The following SPATC1 variants were observed in gnomAD, a reference collection of about 807,000 sequenced individuals.
The protein encoded by SPATC1 is spermatogenesis and centriole associated 1.
SPATC1 carries 35 observed loss-of-function variants against 36.5 expected under a neutral mutation model. The ratio of observed to expected loss-of-function variants is 0.96; its 90% CI spans 0.73 to 1.27. The LOEUF is 1.27. Among genes scored for constraint, SPATC1 ranks in the 50% most tolerant of loss-of-function variants. The pLI, the probability that SPATC1 is intolerant of heterozygous loss-of-function variation, is 0.00. For synonymous variants in SPATC1, 361 were observed against 353.6 expected (o/e 1.02, Z -0.24); for missense variants, 779 against 796.0 (o/e 0.98, Z 0.26).
At chr8:144,043,938 C>T (rs1448797932) in intron 4 of SPATC1, among the ~76,000 whole-genome samples, 1 of 152,176 alleles carries the variant, frequency 6.6e-6, no homozygotes, top group Non-Finnish European at 1.5e-5. Flanking sequence ...CACGTGTGCA[C>T]TCCTCCACAT....
rs1554756046 is a variant in SPATC1 at position 144,041,342 on chromosome 8, G to A, written c.1417G>A (p.Val473Ile). 6.2e-7 allele frequency: 1 copy of A among 1,611,652 alleles called. No homozygotes were observed. ...PERVRLYGFT[V>I]SNIPEKIIQA... Reference sequence around the variant, plus strand: ...GCGCGTACGGCTCTACGGCTTCACTGTCTCCAACATCCCAGAGAAGATCAT... The same window carrying A: ...GCGCGTACGGCTCTACGGCTTCACTATCTCCAACATCCCAGAGAAGATCAT... The change falls in exon 4 of 5, where the codon GTC becomes ATC. Residue 473 changes from valine (V) to isoleucine (I), a missense_variant. Transcript: ENST00000377470.
At chr8:144,021,010 C>A (rs1272536810) in intron 1 of SPATC1, among the ~76,000 whole-genome samples, 2 of 141,850 alleles carry the variant, frequency 1.4e-5, no homozygotes, top group African/African-American at 5.3e-5. Context: ...CCCTGACAAC[C>A]TCCTTCCCTG....
At chr8:144,011,226 G>A (rs2133087336), upstream of SPATC1, among the ~76,000 whole-genome samples, 1 of 152,224 alleles carries the variant, frequency 6.6e-6, no homozygotes, top group Non-Finnish European at 1.5e-5. The surrounding 1 kb of genome is among the most constrained non-coding windows in gnomAD (Gnocchi z 4.5). Context: ...TTCACATGTT[G>A]AAGGAAAGCC....
rs377746877 is a variant in SPATC1 at position 144,039,947 on chromosome 8, C to T, written c.250C>T (p.Arg84Ter). 15 of 1,613,820 alleles carry T rather than the reference C, an allele frequency of 9.3e-6. No homozygotes were observed. Among genetic ancestry groups the T allele is most frequent in the East Asian group, 2.2e-5 (1 of 44,884 alleles). The part of the protein sequence containing the change: ...LPPSPAVANE[R>*]VLEEVGIMAL... ...CCCGTCCCCAGCAGTGGCAAACGAA[C>T]GAGTCCTCGAAGAAGTGGGGATCAT... is the stretch of plus-strand genomic sequence containing the variant. The change falls in exon 2 of 5, where the codon CGA (arginine) becomes TGA (stop). Residue 84 changes from arginine to a stop codon, truncating the protein, a stop_gained. Transcript: ENST00000377470. LOFTEE classifies it high-confidence loss of function.
At chr8:144,029,561 C>T (rs1834754507) in intron 1 of SPATC1, among the ~76,000 whole-genome samples, 1 of 152,152 alleles carries the variant, frequency 6.6e-6, no homozygotes, top group African/African-American at 2.4e-5. Flanking sequence ...GAGCAAAACT[C>T]CGTCTCAAAA....
chr8:144,022,597 C>A (rs1834558734), intron 1 of SPATC1, among the ~76,000 whole-genome samples: 1 of 145,294 alleles, frequency 6.9e-6, no homozygotes, highest in Non-Finnish European at 1.5e-5. Context: ...CTTGAGGAAC[C>A]TCTTCCCTGA....
At chr8:144,037,152 T>G (rs1345057226) in intron 1 of SPATC1, among the ~76,000 whole-genome samples, 20 of 75,422 alleles carry the variant, frequency 2.7e-4, no homozygotes, top group Admixed American at 3.5e-4. Flanking sequence ...GGTGGGGGGG[T>G]CAGCCCCCCA....
At chr8:144,035,904 T>C (rs1339872218) in intron 1 of SPATC1, among the ~76,000 whole-genome samples, 1 of 152,154 alleles carries the variant, frequency 6.6e-6, no homozygotes, top group East Asian at 1.9e-4. Flanking sequence ...CCCTGGGCTC[T>C]CCTAAGGAAT....
intron 1 of SPATC1, among the ~76,000 whole-genome samples, chr8:144,014,427 A>G (rs537048384): frequency 4.6e-5 from 7 of 151,230 alleles, no homozygotes; most frequent in Admixed American, 1.3e-4. Flanking sequence ...GAGGAGAGGA[A>G]GAAAGAAGGA....
intron 4 of SPATC1, among the ~76,000 whole-genome samples, chr8:144,042,614 G>A (rs901920946): frequency 2.6e-5 from 4 of 151,776 alleles, no homozygotes; most frequent in East Asian, 1.9e-4. Flanking sequence ...GAGCCACCGC[G>A]CCCGGCCCCG....
rs1554752654 is a variant in SPATC1 at position 144,012,770 on chromosome 8, CTGCACCAGA to C, written c.211+45_211+53del. 6 of 1,543,902 alleles carry C rather than the reference CTGCACCAGA, an allele frequency of 3.9e-6. No homozygotes were observed. In the South Asian group the frequency reaches 4.8e-5, roughly 12 times the overall value. ...AAGAGAGTGAGGAGGGAAGTGGGGA[CTGCACCAGA>C]GAGGAGAGACTCAGTGTGCTGAGGT... On this transcript the variant is annotated intron_variant, in intron 1 of 4. Transcript: ENST00000377470.
At chr8:144,041,440 C>T in intron 4 of SPATC1, 69 bp downstream of exon 4, 1 of 1,566,320 alleles carries the variant, frequency 6.4e-7, no homozygotes, top group Non-Finnish European at 8.6e-7. Context: ...GGACCCTGCA[C>T]TCTGGCCAGG....
At chr8:144,018,364 T>C in intron 1 of SPATC1, among the ~76,000 whole-genome samples, 1 of 152,166 alleles carries the variant, frequency 6.6e-6, no homozygotes, top group East Asian at 1.9e-4. Flanking sequence ...ATGATGGAGA[T>C]ACTTAATTCA....
In SPATC1 at chr8:144,032,585, C is replaced by T. The variant is rs923079740; in HGVS notation, c.212-7324C>T. 2.6e-5 allele frequency among the ~76,000 whole-genome samples: 4 copies of T among 151,848 alleles called. No homozygotes were observed. The South Asian group carries it at 8.3e-4, about 32-fold the overall frequency. On this transcript the variant is annotated intron_variant, in intron 1 of 4. Coordinates refer to ENST00000377470, the MANE Select transcript of SPATC1 (RefSeq NM_198572.3). ...GCCACCCCACCTGGCATTTTGAATG[C>T]TTTTTAGCTTTTTGAAAACTGGACA...
chr8:144,031,367 T>C (rs909587317), intron 1 of SPATC1, among the ~76,000 whole-genome samples: 4 of 152,062 alleles, frequency 2.6e-5, no homozygotes, highest in Non-Finnish European at 5.9e-5. Flanking sequence ...TAGTTTCTGA[T>C]GAAAATTTTG....
chr8:144,024,317 C>T (rs1033223608), intron 1 of SPATC1, among the ~76,000 whole-genome samples: 25 of 149,808 alleles, frequency 1.7e-4, no homozygotes, highest in Admixed American at 9.9e-4. Context: ...AAACTTCCTC[C>T]CCCAGGACCG....
At chr8:144,041,976 G>C in intron 4 of SPATC1, 1 of 985,228 alleles carries the variant, frequency 1.0e-6, no homozygotes, top group Non-Finnish European at 1.2e-6. Flanking sequence ...TTGTTTGTTT[G>C]TTTTCAGATG....
chr8:144,035,027 T>G (rs1004570186), intron 1 of SPATC1, among the ~76,000 whole-genome samples: 6 of 152,276 alleles, frequency 3.9e-5, no homozygotes, highest in African/African-American at 1.4e-4. Context: ...GTACTGTAAA[T>G]GATTTCACAT....
Position 144,035,086 on chromosome 8 carries a change from C to T in SPATC1, c.212-4823C>T, listed in dbSNP as rs1349588164. On this transcript the variant is annotated intron_variant, in intron 1 of 4. Transcript: ENST00000377470. ...TTCATGATTTGCTGAACAATTTTTCCGTGGTTTGTTGTGCCAAGGTTTTAT... is the reference window on the plus strand; with the variant it reads ...TTCATGATTTGCTGAACAATTTTTCTGTGGTTTGTTGTGCCAAGGTTTTAT... 6.1e-5 allele frequency among the ~76,000 whole-genome samples: 9 copies of T among 147,496 alleles called. No individual in the cohort carries two copies. In the South Asian group the frequency reaches 1.0e-3, roughly 17 times the overall value.
Sources: gnomAD v4.1 joint callset for allele counts (sites outside exome capture counted in the v4.1 genomes callset) on GRCh38, gnomAD v4.1.1 for gene constraint, Gnocchi (gnomAD v3.1) non-coding constraint, MANE v1.5 for transcripts, NCBI Gene and HGNC (gene_info 2026-07-23, HGNC 2026-07-21) for gene names.